CAP2: variants seen among roughly 807,000 people sequenced by gnomAD.
The protein encoded by CAP2 is cyclase associated actin cytoskeleton regulatory protein 2.
In CAP2, 24 loss-of-function variants were observed where a neutral mutation model predicts 57.7. The ratio of observed to expected loss-of-function variants is 0.42; its 90% CI spans 0.30 to 0.58. The LOEUF is 0.58. Among genes scored for constraint, CAP2 ranks in the 20% least tolerant of loss-of-function variants. CAP2 has a pLI of 0.22. For missense variants in CAP2, 501 were observed against 590.3 expected, an observed-to-expected ratio of 0.85 and a Z score of 1.57; for synonymous variants, 194 against 207.2, an observed-to-expected ratio of 0.94 and a Z score of 0.55.
intron 3 of CAP2, among the ~76,000 whole-genome samples, chr6:17,455,133 A>C (rs768765653): frequency 2.6e-5 from 4 of 152,158 alleles, no homozygotes; most frequent in Non-Finnish European, 1.5e-5. Flanking sequence ...AGGAACGGCA[A>C]TCTCCCAATA....
intron 1 of CAP2, among the ~76,000 whole-genome samples, chr6:17,408,264 A>G (rs1759040168): frequency 6.6e-6 from 1 of 152,198 alleles, no homozygotes. Context: ...TGGAATGTGC[A>G]GATTACACGG....
intron 4 of CAP2, among the ~76,000 whole-genome samples, chr6:17,480,773 GTTTT>G (rs79702682): frequency 1.7e-4 from 23 of 136,400 alleles, no homozygotes; most frequent in Admixed American, 3.0e-4. Context: ...GGTTTTTTTG[GTTTT>G]TTTTTTTTTT....
At chr6:17,514,515 C>T (rs563647769) in intron 7 of CAP2, among the ~76,000 whole-genome samples, 20 of 152,014 alleles carry the variant, frequency 1.3e-4, no homozygotes, top group African/African-American at 4.1e-4. Context: ...TTTGGGAGGC[C>T]GAGGTGGGCA....
intron 3 of CAP2, among the ~76,000 whole-genome samples, chr6:17,451,362 C>T (rs560564028): frequency 6.6e-5 from 10 of 152,158 alleles, no homozygotes; most frequent in African/African-American, 2.4e-4. Context: ...CAACAAACCT[C>T]CTGTCCAGGT....
chr6:17,498,265 G>A (rs570007637), intron 4 of CAP2, among the ~76,000 whole-genome samples: 1 of 152,202 alleles, frequency 6.6e-6, no homozygotes, highest in Non-Finnish European at 1.5e-5. Context: ...CGTGTCTACT[G>A]TTCATTGTGT....
At chr6:17,413,426 T>C (rs1024202461) in intron 1 of CAP2, among the ~76,000 whole-genome samples, 5 of 152,102 alleles carry the variant, frequency 3.3e-5, no homozygotes, top group Admixed American at 2.6e-4. Flanking sequence ...CGTGAATGTA[T>C]CTCTTAGTTA....
At chr6:17,467,101 A>G (rs1760885109) in intron 4 of CAP2, among the ~76,000 whole-genome samples, 1 of 152,160 alleles carries the variant, frequency 6.6e-6, no homozygotes, top group Non-Finnish European at 1.5e-5. Flanking sequence ...TAATGAATGC[A>G]AGTGACCACT....
At chr6:17,481,578 A>G (rs1761287417) in intron 4 of CAP2, among the ~76,000 whole-genome samples, 1 of 152,148 alleles carries the variant, frequency 6.6e-6, no homozygotes, top group South Asian at 2.1e-4. Context: ...ATTATATTCT[A>G]TTAATCTTTG....
At chr6:17,438,916 GC>G (rs1475819481) in intron 3 of CAP2, among the ~76,000 whole-genome samples, 1 of 150,394 alleles carries the variant, frequency 6.6e-6, no homozygotes, top group Non-Finnish European at 1.5e-5. Context: ...TTCAAGACCA[GC>G]CTGACCAACA....
Position 17,539,441 on chromosome 6 carries a change from G to A in CAP2, c.809G>A (p.Gly270Glu), listed in dbSNP as rs1762848903. The change falls in exon 8 of 13, where the codon GGA (glycine) becomes GAA (glutamate). Residue 270 changes from glycine (G) to glutamate (E), a missense_variant. Gly to Glu is a moderately conservative substitution (Grantham distance 98). Coordinates refer to ENST00000229922, the MANE Select transcript of CAP2 (RefSeq NM_006366.3). Reference protein sequence around the residue: ...RSALFAQLNQGEAITKGLRHV... With the variant: ...RSALFAQLNQEEAITKGLRHV... ...GCTTTATTTGCCCAACTTAACCAGG[G>A]AGAAGCAATTACAAAAGGTGAGAGA... 3 of 1,613,828 alleles carry A rather than the reference G, an allele frequency of 1.9e-6. No individual in the cohort carries two copies. Among genetic ancestry groups the A allele is most frequent in the East Asian group, 4.5e-5 (2 of 44,870 alleles).
intron 3 of CAP2, among the ~76,000 whole-genome samples, chr6:17,444,979 T>C (rs1561786187): frequency 6.6e-6 from 1 of 152,082 alleles, no homozygotes; most frequent in African/African-American, 2.4e-5. Context: ...TATAAGAAAG[T>C]GAGACTAAGA....
chr6:17,475,143 T>C (rs1179758264), intron 4 of CAP2, among the ~76,000 whole-genome samples: 2 of 149,316 alleles, frequency 1.3e-5, no homozygotes, highest in East Asian at 4.0e-4. Flanking sequence ...TGCAGTGAGC[T>C]GAGATCGCAC....
intron 11 of CAP2, among the ~76,000 whole-genome samples, chr6:17,543,419 C>A (rs1441288863): frequency 2.0e-5 from 3 of 151,966 alleles, no homozygotes; most frequent in Admixed American, 6.6e-5. Flanking sequence ...AGATTGAGAC[C>A]ATCCTGGCTA....
chr6:17,457,067 C>T (rs1184022412), intron 3 of CAP2, among the ~76,000 whole-genome samples: 3 of 152,198 alleles, frequency 2.0e-5, no homozygotes, highest in South Asian at 2.1e-4. Flanking sequence ...TAAGACCACA[C>T]GGCAATAGAT....
intron 3 of CAP2, among the ~76,000 whole-genome samples, chr6:17,441,814 C>A (rs1273682299): frequency 6.6e-6 from 1 of 152,152 alleles, no homozygotes; most frequent in Non-Finnish European, 1.5e-5. Flanking sequence ...ATCATAGATT[C>A]ATAGTTAAAC....
In CAP2 at chr6:17,513,808, G is replaced by A; in HGVS notation, c.531-41G>A. The A allele has an allele frequency of 7.2e-7, 1 of 1,387,008 alleles. No individual in the cohort carries two copies. Among genetic ancestry groups the A allele is most frequent in the Non-Finnish European group, 1.0e-6 (1 of 973,700 alleles). The allele number at this position is 1,387,008 out of a possible 1,614,324, so 85.9% of individuals were successfully genotyped here. A position where few individuals can be genotyped will look rare whatever the true frequency, so the allele number is the denominator to read the frequency against. ...ACAATTTTTTTAAAATTTTATTTTAGATCCTAACTCTGCTTTCTTCAACCC... is the reference window on the plus strand; with the variant it reads ...ACAATTTTTTTAAAATTTTATTTTAAATCCTAACTCTGCTTTCTTCAACCC... On this transcript the variant is annotated intron_variant, in intron 6 of 12. Coordinates refer to ENST00000229922, the MANE Select transcript of CAP2 (RefSeq NM_006366.3). This position sits in a 1 kb window ranked among gnomAD's most constrained non-coding sequence, Gnocchi z 4.3.
intron 11 of CAP2, among the ~76,000 whole-genome samples, chr6:17,550,421 T>TTTTTTCTTGG (rs397761718): frequency 1.1e-5 from 1 of 92,168 alleles, no homozygotes; most frequent in African/African-American, 3.7e-5. Context: ...TTTTTTTTTT[T>TTTTTTCTTGG]GCACTGGGGC....
chr6:17,552,633 A>G (rs1763198749), intron 12 of CAP2, among the ~76,000 whole-genome samples: 1 of 152,222 alleles, frequency 6.6e-6, no homozygotes, highest in East Asian at 1.9e-4. Context: ...CTCAGTCACA[A>G]ACAAACAAAC....
chr6:17,474,971 C>T (rs1474716793), intron 4 of CAP2, among the ~76,000 whole-genome samples: 2 of 151,956 alleles, frequency 1.3e-5, no homozygotes, highest in Non-Finnish European at 2.9e-5. Flanking sequence ...CCGAGGCGGG[C>T]GGATCACAAG....
Sources: gnomAD v4.1 joint callset for allele counts (sites outside exome capture counted in the v4.1 genomes callset) on GRCh38, gnomAD v4.1.1 for gene constraint, Gnocchi (gnomAD v3.1) non-coding constraint, MANE v1.5 for transcripts, NCBI Gene and HGNC (gene_info 2026-07-23, HGNC 2026-07-21) for gene names.